Variants in EXOC4 observed in about 807,000 individuals in gnomAD.
EXOC4 encodes SEC8-like 1.
Under a neutral mutation model 107.2 loss-of-function variants are expected in EXOC4, and 71 were observed. The ratio of observed to expected loss-of-function variants is 0.66; its 90% CI spans 0.55 to 0.81. The LOEUF (loss-of-function observed/expected upper bound fraction) is 0.81. Ranked by LOEUF, EXOC4 falls within the 30% of genes least tolerant of loss-of-function variation. The pLI, the probability that EXOC4 is intolerant of heterozygous loss-of-function variation, is 0.00. For missense variants in EXOC4, 1,108 were observed against 1,189.6 expected (o/e 0.93, Z 1.01); for synonymous variants, 456 against 441.2 (o/e 1.03, Z -0.42).
At chr7:133,388,942 C>A (rs563401805) in intron 7 of EXOC4, among the ~76,000 whole-genome samples, 2 of 152,082 alleles carry the variant, frequency 1.3e-5, no homozygotes, top group Admixed American at 1.3e-4. Context: ...TGATTGCTAG[C>A]GTCATTTGCT....
chr7:133,419,920 C>T (rs1240000153), intron 7 of EXOC4, among the ~76,000 whole-genome samples: 4 of 150,922 alleles, frequency 2.7e-5, no homozygotes, highest in African/African-American at 9.7e-5. Context: ...TTAGCCAGCT[C>T]TGGGTTCACC....
At chr7:133,329,146 T>G (rs373024308) in intron 5 of EXOC4, among the ~76,000 whole-genome samples, 1 of 152,202 alleles carries the variant, frequency 6.6e-6, no homozygotes, top group Admixed American at 6.5e-5. Context: ...CAATCTTGTC[T>G]TCTTGCTTTA....
downstream of EXOC4, among the ~76,000 whole-genome samples, chr7:134,070,473 G>T (rs2116666477): frequency 6.6e-6 from 1 of 152,298 alleles, no homozygotes; most frequent in East Asian, 1.9e-4. Context: ...TACTTATCAA[G>T]AGTGTAATGA....
Position 133,731,222 on chromosome 7 carries a change from G to A in EXOC4, c.1515-86103G>A, listed in dbSNP as rs373663613. Among the ~76,000 whole-genome samples, 5 of 152,210 alleles carry A rather than the reference G, an allele frequency of 3.3e-5. No homozygotes were observed. The East Asian group carries it at 7.7e-4, about 23-fold the overall frequency. ...CAGATTTACTGTTTTAACCATTTAA[G>A]TGTATGATTCAGTGACATTAAATAC... On this transcript the variant is annotated intron_variant, in intron 10 of 17. Coordinates refer to ENST00000253861, the MANE Select transcript of EXOC4 (RefSeq NM_021807.4).
At chr7:133,635,737 G>C (rs1802691339) in intron 10 of EXOC4, among the ~76,000 whole-genome samples, 1 of 152,116 alleles carries the variant, frequency 6.6e-6, no homozygotes, top group Admixed American at 6.6e-5. Flanking sequence ...GTTTAGCTAG[G>C]ACATGACTCA....
chr7:133,995,791 C>G (rs1164008984), intron 14 of EXOC4, among the ~76,000 whole-genome samples: 1 of 152,050 alleles, frequency 6.6e-6, no homozygotes, highest in Non-Finnish European at 1.5e-5. Context: ...ATGTTAGAAG[C>G]CTGGATTGTC....
At chr7:133,834,058 A>G (rs914546272) in intron 11 of EXOC4, among the ~76,000 whole-genome samples, 1 of 152,188 alleles carries the variant, frequency 6.6e-6, no homozygotes, top group African/African-American at 2.4e-5. Flanking sequence ...TTAGTAAGAT[A>G]TAATATAATC....
At chr7:133,899,685 T>C (rs1278130332) in intron 12 of EXOC4, among the ~76,000 whole-genome samples, 3 of 152,006 alleles carry the variant, frequency 2.0e-5, no homozygotes, top group East Asian at 1.9e-4. Flanking sequence ...ACCCATTAGC[T>C]TGGCAGTGTC....
intron 5 of EXOC4, among the ~76,000 whole-genome samples, chr7:133,324,997 T>C (rs1795204280): frequency 6.6e-6 from 1 of 152,192 alleles, no homozygotes; most frequent in African/African-American, 2.4e-5. Context: ...TCTTTGTTGG[T>C]TTAAAGTCTG....
chr7:133,358,169 G>C (rs567336381), intron 6 of EXOC4, among the ~76,000 whole-genome samples: 1 of 152,222 alleles, frequency 6.6e-6, no homozygotes, highest in South Asian at 2.1e-4. Flanking sequence ...CTGGTTGACA[G>C]AGTGAAACTT....
At chr7:133,738,888 A>T (rs1314556697) in intron 10 of EXOC4, among the ~76,000 whole-genome samples, 1 of 152,178 alleles carries the variant, frequency 6.6e-6, no homozygotes, top group Non-Finnish European at 1.5e-5. Flanking sequence ...GCTCTAGATT[A>T]GTCTTCCTTT....
At chr7:133,352,556 G>C (rs1795935237) in intron 5 of EXOC4, among the ~76,000 whole-genome samples, 1 of 151,774 alleles carries the variant, frequency 6.6e-6, no homozygotes, top group Non-Finnish European at 1.5e-5. Flanking sequence ...TGCCTTTGTA[G>C]ACAGCATATA....
chr7:133,802,601 G>C (rs1028153192), intron 10 of EXOC4, among the ~76,000 whole-genome samples: 1 of 152,092 alleles, frequency 6.6e-6, no homozygotes, highest in African/African-American at 2.4e-5. Context: ...GCTCACACCT[G>C]TAATTTCAGC....
At chr7:133,936,766 T>C (rs1424811895) in intron 13 of EXOC4, among the ~76,000 whole-genome samples, 1 of 152,212 alleles carries the variant, frequency 6.6e-6, no homozygotes, top group African/African-American at 2.4e-5. Context: ...TTCAAGCGAT[T>C]CTCCTGCCTC....
chr7:133,498,988 A>G (rs1222582883), intron 9 of EXOC4, among the ~76,000 whole-genome samples: 1 of 152,108 alleles, frequency 6.6e-6, no homozygotes, highest in Non-Finnish European at 1.5e-5. Flanking sequence ...TCTGTATAAT[A>G]AGAATTTTAT....
At chr7:133,912,269 C>G (rs947188390) in intron 12 of EXOC4, among the ~76,000 whole-genome samples, 2 of 152,250 alleles carry the variant, frequency 1.3e-5, no homozygotes, top group Middle Eastern at 3.4e-3. Flanking sequence ...ACAAATTCTT[C>G]ACAGAGAAAG....
intron 4 of EXOC4, among the ~76,000 whole-genome samples, chr7:133,316,745 T>C (rs994770312): frequency 6.6e-6 from 1 of 152,234 alleles, no homozygotes; most frequent in African/African-American, 2.4e-5. Context: ...TAAATCATTT[T>C]AATTGTTGTG....
At chr7:133,267,544 C>T (rs1234384021) in intron 1 of EXOC4, among the ~76,000 whole-genome samples, 1 of 152,126 alleles carries the variant, frequency 6.6e-6, no homozygotes, top group Non-Finnish European at 1.5e-5. Context: ...GTGAAGTAGC[C>T]TCCTTCCTCC....
At chr7:133,979,830 AC>A (rs1052899376) in intron 14 of EXOC4, among the ~76,000 whole-genome samples, 1 of 152,042 alleles carries the variant, frequency 6.6e-6, no homozygotes, top group Non-Finnish European at 1.5e-5. Flanking sequence ...TCGTTAAAGA[AC>A]CTAGCTTGGC....
Sources: allele counts gnomAD v4.1 joint callset (sites outside exome capture counted in the v4.1 genomes callset), GRCh38; gene constraint gnomAD v4.1.1; transcripts MANE v1.5; gene names NCBI Gene and HGNC (gene_info 2026-07-23, HGNC 2026-07-21).